The following NDUFV2 variants were observed in gnomAD, a reference collection of about 807,000 sequenced individuals.
The protein encoded by NDUFV2 is NADH:ubiquinone oxidoreductase core subunit V2.
NDUFV2 carries 18 observed loss-of-function variants against 31.6 expected under a neutral mutation model. The ratio of observed to expected loss-of-function variants is 0.57; its 90% confidence interval spans 0.39 to 0.84. The LOEUF (loss-of-function observed/expected upper bound fraction) is 0.84. NDUFV2 is among the 40% of genes least tolerant of loss of function. The probability of loss-of-function intolerance (pLI) is 0.00; values close to 1 mark genes in which losing one functional copy is unlikely to be tolerated. For synonymous variants in NDUFV2, 83 were observed against 99.8 expected (o/e 0.83, Z 1.01); for missense variants, 314 against 303.6 (o/e 1.03, Z -0.26).
At chr18:9,133,669 T>C (rs996285461) in intron 7 of NDUFV2, among the ~76,000 whole-genome samples, 2 of 152,172 alleles carry the variant, frequency 1.3e-5, no homozygotes, top group Non-Finnish European at 2.9e-5. Flanking sequence ...AATGTATAAG[T>C]GTGTGTATTC....
intron 1 of NDUFV2, among the ~76,000 whole-genome samples, chr18:9,105,818 T>C (rs1231830544): frequency 6.6e-6 from 1 of 152,250 alleles, no homozygotes; most frequent in Admixed American, 6.5e-5. Context: ...GTGTATTTTT[T>C]CATTCATCGA....
chr18:9,131,591 G>C (rs532048009), intron 7 of NDUFV2, among the ~76,000 whole-genome samples: 5 of 152,298 alleles, frequency 3.3e-5, no homozygotes, highest in East Asian at 3.9e-4. Context: ...TATACTAAAA[G>C]TAGGGACAGT....
At chr18:9,112,283 CT>C (rs985779476) in intron 1 of NDUFV2, 1 of 152,144 alleles carries the variant, frequency 6.6e-6, no homozygotes, top group African/African-American at 2.4e-5. Context: ...TCCCAAAGTG[CT>C]GGGTTTACAG....
intron 1 of NDUFV2, among the ~76,000 whole-genome samples, chr18:9,106,435 C>A (rs995133472): frequency 6.6e-6 from 1 of 152,052 alleles, no homozygotes; most frequent in Non-Finnish European, 1.5e-5. Flanking sequence ...AGTGGTTTGC[C>A]CTGACAGTGT....
At chr18:9,106,259 G>A (rs1316751021) in intron 1 of NDUFV2, among the ~76,000 whole-genome samples, 1 of 152,144 alleles carries the variant, frequency 6.6e-6, no homozygotes. Context: ...AACTCTCACT[G>A]AGGCCTGCCT....
At chr18:9,122,732 C>T (rs2077949469) in intron 5 of NDUFV2, 51 bp downstream of exon 5, 7 of 1,583,972 alleles carry the variant, frequency 4.4e-6, no homozygotes, top group Non-Finnish European at 6.1e-6. Flanking sequence ...AATTGTCTCT[C>T]TAGATTTGGT....
At chr18:9,124,513 A>G (rs1170321792) in intron 5 of NDUFV2, among the ~76,000 whole-genome samples, 2 of 149,928 alleles carry the variant, frequency 1.3e-5, no homozygotes, top group African/African-American at 4.9e-5. Flanking sequence ...CAGTGGCGCA[A>G]TCTCGGCTCA....
chr18:9,123,771 G>A (rs2077961285), intron 5 of NDUFV2, among the ~76,000 whole-genome samples: 1 of 152,084 alleles, frequency 6.6e-6, no homozygotes, highest in South Asian at 2.1e-4. Flanking sequence ...GATCACAGGT[G>A]TGAGCCACCA....
intron 7 of NDUFV2, chr18:9,133,590 TC>T (rs2057463747): frequency 6.5e-6 from 1 of 152,788 alleles, no homozygotes; most frequent in African/African-American, 2.4e-5. Context: ...GATTTTGACT[TC>T]GCTGCTTCTA....
chr18:9,128,251 T>C (rs1161566380), intron 7 of NDUFV2, among the ~76,000 whole-genome samples: 1 of 152,224 alleles, frequency 6.6e-6, no homozygotes, highest in Non-Finnish European at 1.5e-5. Flanking sequence ...TCTTAAGCTT[T>C]ATTATAAATA....
chr18:9,125,099 G>T, intron 6 of NDUFV2, 116 bp downstream of exon 6: 5 of 1,111,624 alleles, frequency 4.5e-6, no homozygotes, highest in South Asian at 3.5e-5. Flanking sequence ...TAGAAGAAAT[G>T]GTTACCATAA....
At position 9,105,176 on chromosome 18, in the gene NDUFV2, A is replaced by G. The variant is rs533176243; in HGVS notation, c.54+2379A>G. On this transcript the variant is annotated intron_variant, in intron 1 of 7. Transcript: ENST00000318388. ...CATTAAACCTAGCAAGTATCAAGAA[A>G]AGTACAAGAAAAGTCTACCTAAGTT... is the stretch of plus-strand genomic sequence containing the variant. 2.6e-5 allele frequency among the ~76,000 whole-genome samples: 4 copies of G among 152,368 alleles called. No individual in the cohort carries two copies. In the East Asian group the frequency reaches 5.8e-4, roughly 22 times the overall value.
chr18:9,125,732 G>C (rs761626566), intron 6 of NDUFV2, among the ~76,000 whole-genome samples: 1 of 151,972 alleles, frequency 6.6e-6, no homozygotes, highest in Non-Finnish European at 1.5e-5. Flanking sequence ...AATTTTGGAG[G>C]GACTGTACTT....
chr18:9,125,870 A>G (rs1385870253), intron 6 of NDUFV2, among the ~76,000 whole-genome samples: 1 of 152,138 alleles, frequency 6.6e-6, no homozygotes, highest in African/African-American at 2.4e-5. Context: ...AAGGTTCCAG[A>G]CTAGCAGTTT....
chr18:9,113,972 C>T lies in NDUFV2; in HGVS notation c.55-3866C>T, dbSNP rs2175100. Among the ~76,000 whole-genome samples the T allele has an allele frequency of 3.7e-3, 564 of 152,306 alleles. 6 individuals carry two copies. Among genetic ancestry groups the T allele is most frequent in the African/African-American group, 0.013 (539 of 41,580 alleles). On this transcript the variant is annotated intron_variant, in intron 1 of 7. Transcript: ENST00000318388. Reference sequence around the variant, plus strand: ...TACAATGGGAGTGACATGGAACAGCCTAGGTGAGTGCTGTGCATCACTGCT... The same window carrying T: ...TACAATGGGAGTGACATGGAACAGCTTAGGTGAGTGCTGTGCATCACTGCT...
In NDUFV2 at chr18:9,102,721, G is replaced by T. The variant is rs2077819834; in HGVS notation, c.-23G>T. 1 of 1,578,962 alleles carries T rather than the reference G, an allele frequency of 6.3e-7. No homozygotes were observed. Among genetic ancestry groups the T allele is most frequent in the African/African-American group, 1.4e-5 (1 of 73,146 alleles). On this transcript the variant is annotated 5_prime_UTR_variant, in exon 1 of 8. Transcript: ENST00000318388. ...GGGATTCTCGCCTGGCGCGGCTGGGGAAGGTGAACAGTGTGGCCCGCCATG... is the reference window on the plus strand; with the variant it reads ...GGGATTCTCGCCTGGCGCGGCTGGGTAAGGTGAACAGTGTGGCCCGCCATG...
At chr18:9,108,367 T>A (rs1215952787) in intron 1 of NDUFV2, among the ~76,000 whole-genome samples, 3 of 152,154 alleles carry the variant, frequency 2.0e-5, no homozygotes, top group African/African-American at 7.2e-5. Context: ...AAACTTAAAT[T>A]TTAGTGGTTA....
In NDUFV2 at chr18:9,117,868, G is replaced by C. The variant is rs1040254682; in HGVS notation, c.85G>C (p.Val29Leu). The C allele has an allele frequency of 5.6e-6, 9 of 1,600,998 alleles. No individual in the cohort carries two copies. Among genetic ancestry groups the C allele is most frequent in the Non-Finnish European group, 6.8e-6 (8 of 1,168,388 alleles). ...ACATGTAAGGAATTTGCATAAGACAGTTATGCAAAATGGAGCTGGAGGAGC... is the reference window on the plus strand; with the variant it reads ...ACATGTAAGGAATTTGCATAAGACACTTATGCAAAATGGAGCTGGAGGAGC... The part of the protein sequence containing the change: ...GRHVRNLHKT[V>L]MQNGAGGALF... The change falls in exon 2 of 8, where the codon GTT becomes CTT. Residue 29 changes from valine to leucine, a missense_variant. Physicochemically the swap from Val to Leu is conservative, Grantham distance 32 (BLOSUM62 1). Coordinates refer to ENST00000318388, the MANE Select transcript of NDUFV2 (RefSeq NM_021074.5).
chr18:9,133,636 A>T (rs534420607), intron 7 of NDUFV2: 1 of 153,556 alleles, frequency 6.5e-6, no homozygotes, highest in East Asian at 1.9e-4. Context: ...TCCTCAAGGA[A>T]TCCAGTTTCT....
Sources: gnomAD v4.1 joint callset for allele counts (sites outside exome capture counted in the v4.1 genomes callset) on GRCh38, gnomAD v4.1.1 for gene constraint, MANE v1.5 for transcripts, NCBI Gene and HGNC (gene_info 2026-07-23, HGNC 2026-07-21) for gene names.